BBS12: variants seen among roughly 807,000 people sequenced by gnomAD.
The protein encoded by BBS12 is Bardet-Biedl syndrome 12.
Under a neutral mutation model 5.6 loss-of-function variants are expected in BBS12, and 5 were observed. The ratio of observed to expected loss-of-function variants is 0.89; its 90% CI spans 0.46 to 1.86. BBS12 has a LOEUF of 1.86. Among genes scored for constraint, BBS12 ranks in the 40% most tolerant of loss-of-function variants. The pLI, the probability that BBS12 is intolerant of heterozygous loss-of-function variation, is 0.01. For synonymous variants in BBS12, 308 were observed against 306.8 expected (o/e 1.00, Z -0.04); for missense variants, 748 against 830.4 (o/e 0.90, Z 1.22).
intron 1 of BBS12, among the ~76,000 whole-genome samples, chr4:122,739,085 G>A (rs1013465533): frequency 4.6e-5 from 7 of 152,190 alleles, no homozygotes; most frequent in Admixed American, 2.0e-4. Flanking sequence ...AGAAGCCAAG[G>A]ACCACTAGGA....
the BBS12 span, among the ~76,000 whole-genome samples, chr4:122,712,920 A>C: frequency 6.6e-6 from 1 of 152,232 alleles, no homozygotes; most frequent in Admixed American, 6.5e-5. Flanking sequence ...TGAATTTGTG[A>C]AAGATAAAAT....
Position 122,743,324 on chromosome 4 carries a change from C to G in BBS12, c.1432C>G (p.Pro478Ala). The G allele has an allele frequency of 1.2e-6, 2 of 1,614,000 alleles. No homozygotes were observed. Among genetic ancestry groups the G allele is most frequent in the Non-Finnish European group, 1.7e-6 (2 of 1,179,998 alleles). The change falls in exon 2 of 2, where the codon CCT becomes GCT. Residue 478 changes from proline to alanine, a missense_variant. Coordinates refer to ENST00000314218, the MANE Select transcript of BBS12 (RefSeq NM_152618.3). ...CTGCGTGACCTTCTGGAGAAGCAGC[C>G]CTTTGGATGTTGTAGATAGGAACAA... Reference protein sequence around the residue: ...GVCVTFWRSSPLDVVDRNNRI... With the variant: ...GVCVTFWRSSALDVVDRNNRI...
intron 1 of BBS12, among the ~76,000 whole-genome samples, chr4:122,739,752 G>A (rs765356252): frequency 4.6e-5 from 7 of 152,212 alleles, no homozygotes; most frequent in African/African-American, 1.2e-4. Flanking sequence ...GTATAAGGGC[G>A]AAGCTCAGTG....
Position 122,744,370 on chromosome 4 carries a change from A to C in BBS12, c.*345A>C. The stretch of plus-strand genomic sequence containing the variant: ...GAGGAACACAAAGGGCCCATGATGA[A>C]AGCCTGCACACAGTGGGTTATGTTG... On this transcript the variant is annotated 3_prime_UTR_variant, in exon 2 of 2. Coordinates refer to ENST00000314218, the MANE Select transcript of BBS12 (RefSeq NM_152618.3). The C allele has an allele frequency of 3.7e-6, 1 of 270,894 alleles. No homozygotes were observed. The highest frequency in any genetic ancestry group is 7.5e-6 in the Non-Finnish European group (1 of 132,456). The allele number at this position is 270,894 out of a possible 1,614,324, so 16.8% of individuals were successfully genotyped here.
the BBS12 span, among the ~76,000 whole-genome samples, chr4:122,704,746 C>A: frequency 1.3e-5 from 2 of 152,184 alleles, no homozygotes. Context: ...CCCTTATCCC[C>A]AAACATGGAC....
the BBS12 span, among the ~76,000 whole-genome samples, chr4:122,703,226 G>A: frequency 2.0e-5 from 3 of 152,204 alleles, no homozygotes; most frequent in East Asian, 5.8e-4. Flanking sequence ...TGTATTGAAA[G>A]GCTATGAGGA....
rs1487383886 is a variant in BBS12, at chr4:122,743,240, G to A, written c.1348G>A (p.Gly450Arg). 3.7e-6 allele frequency: 6 copies of A among 1,614,110 alleles called. No individual in the cohort carries two copies. In the African/African-American group the frequency reaches 5.3e-5, roughly 14 times the overall value. Residue 450 changes from glycine to arginine, a missense_variant, in exon 2 of 2, where the codon GGA becomes AGA. Gly to Arg is a moderately radical substitution (Grantham distance 125). Transcript: ENST00000314218. ...SVMQAFAEAA[G>R]AVQVAYITQV... The stretch of plus-strand genomic sequence containing the variant: ...GATGCAGGCTTTTGCAGAGGCTGCA[G>A]GAGCAGTACAGGTGGCCTACATTAC...
chr4:122,708,936 A>G, the BBS12 span, among the ~76,000 whole-genome samples: 413 of 152,328 alleles, frequency 2.7e-3, 3 homozygotes, highest in African/African-American at 9.1e-3. Flanking sequence ...TTAACGAACA[A>G]TGATAAAGCA....
At position 122,744,134 on chromosome 4, in the gene BBS12, G is replaced by T. The variant is rs1359334189; in HGVS notation, c.*109G>T. 2 of 1,113,154 alleles carry T rather than the reference G, an allele frequency of 1.8e-6. No homozygotes were observed. The highest frequency in any genetic ancestry group is 5.0e-5 in the East Asian group (2 of 39,826). 69.0% of individuals were successfully genotyped at this position (1,113,154 alleles called of 1,614,324 possible). On this transcript the variant is annotated 3_prime_UTR_variant, in exon 2 of 2. Transcript: ENST00000314218. ...CTAAAATGCCAGCTATTGCCAAGAA[G>T]AAAATAGTTGATGTCTGTCAATAAC...
the BBS12 span, among the ~76,000 whole-genome samples, chr4:122,706,663 A>T: frequency 6.6e-6 from 1 of 152,208 alleles, no homozygotes; most frequent in Admixed American, 6.5e-5. Context: ...GGAAGACTGG[A>T]TACACCTTGA....
the BBS12 span, among the ~76,000 whole-genome samples, chr4:122,724,734 G>C: frequency 1.3e-5 from 2 of 152,170 alleles, 1 homozygote; most frequent in East Asian, 3.8e-4. Flanking sequence ...AATAGCTCAA[G>C]AGTTCTGTCC....
At chr4:122,704,741 A>G in the BBS12 span, among the ~76,000 whole-genome samples, 1 of 152,130 alleles carries the variant, frequency 6.6e-6, no homozygotes, top group East Asian at 1.9e-4. Flanking sequence ...CTTTGCCCTT[A>G]TCCCCAAACA....
At chr4:122,705,155 C>T in the BBS12 span, among the ~76,000 whole-genome samples, 4 of 152,336 alleles carry the variant, frequency 2.6e-5, no homozygotes, top group South Asian at 8.3e-4. Context: ...CCAACCTGAG[C>T]CCAAATCATT....
At chr4:122,719,396 G>C in the BBS12 span, among the ~76,000 whole-genome samples, 2 of 152,004 alleles carry the variant, frequency 1.3e-5, no homozygotes, top group African/African-American at 4.8e-5. Flanking sequence ...CACTCGGGTC[G>C]GCTTCCACGT....
At chr4:122,740,727 G>T (rs1427003662) in intron 1 of BBS12, among the ~76,000 whole-genome samples, 1 of 152,158 alleles carries the variant, frequency 6.6e-6, no homozygotes. Flanking sequence ...CTCCAGTCTG[G>T]TACTTGTCTA....
In BBS12 at chr4:122,741,967, A is replaced by G. The variant is rs754811440; in HGVS notation, c.75A>G (p.Thr25=). 3.1e-5 allele frequency: 50 copies of G among 1,613,714 alleles called. No homozygotes were observed. The South Asian group carries it at 3.7e-4, about 12-fold the overall frequency. ...GLQQLSSFAE[T]GRTFLGPLKS... Reference sequence around the variant, plus strand: ...AACAACTTTCATCATTCGCGGAAACAGGAAGAACTTTCCTAGGCCCACTAA... The same window carrying G: ...AACAACTTTCATCATTCGCGGAAACGGGAAGAACTTTCCTAGGCCCACTAA... The change falls in exon 2 of 2, where the codon ACA becomes ACG. Residue 25 remains threonine, a synonymous_variant. Coordinates refer to ENST00000314218, the MANE Select transcript of BBS12 (RefSeq NM_152618.3).
chr4:122,732,320 G>A (rs1800707535), upstream of BBS12: 1 of 152,270 alleles, frequency 6.6e-6, no homozygotes, highest in Non-Finnish European at 1.5e-5. Context: ...CTCAACAGGA[G>A]TAAGGAAGGA....
chr4:122,736,451 T>C (rs1042800674), intron 1 of BBS12, among the ~76,000 whole-genome samples: 4 of 152,092 alleles, frequency 2.6e-5, no homozygotes, highest in African/African-American at 7.2e-5. Flanking sequence ...CCTGAAAGCA[T>C]TGCATGTCTT....
At chr4:122,722,121 G>A in the BBS12 span, among the ~76,000 whole-genome samples, 3 of 152,088 alleles carry the variant, frequency 2.0e-5, no homozygotes, top group Non-Finnish European at 2.9e-5. Context: ...GTGTGAGACT[G>A]GGGGTCAAAT....
Sources: gnomAD v4.1 joint callset for allele counts (sites outside exome capture counted in the v4.1 genomes callset) on GRCh38, gnomAD v4.1.1 for gene constraint, MANE v1.5 for transcripts, NCBI Gene and HGNC (gene_info 2026-07-23, HGNC 2026-07-21) for gene names.